Variants in PLXNB1 observed in about 807,000 individuals in gnomAD.
PLXNB1 encodes plexin B1.
A neutral mutation model predicts 209.4 loss-of-function variants in PLXNB1; 106 were observed. The observed-to-expected ratio is 0.51, with a 90% CI of 0.43 to 0.59. The LOEUF is 0.59. Among genes scored for constraint, PLXNB1 ranks in the 20% least tolerant of loss-of-function variants. PLXNB1 has a pLI of 0.00. For synonymous variants in PLXNB1, 1,167 were observed against 1,183.2 expected (o/e 0.99, Z 0.28); for missense variants, 2,357 against 2,853.2 (o/e 0.83, Z 3.96).
rs114060346 is a variant in PLXNB1, at chr3:48,406,910, C to T, written c.6153-12G>A. The T allele has an allele frequency of 7.7e-4, 1,244 of 1,612,698 alleles. 9 individuals carry two copies. The African/African-American group carries it at 0.015, about 20-fold the overall frequency. On this transcript the variant is annotated splice_polypyrimidine_tract_variant and intron_variant, in intron 35 of 37. Transcript: ENST00000296440. The surrounding 1 kb of genome is among the most constrained non-coding windows in gnomAD (Gnocchi z 4.4). ...TGTCTGCATAGTACCTGCCAGAGAG[C>T]CAGGGCACAGCAGCTGCTGGGTAAA...
rs867797903 is a variant in PLXNB1, at chr3:48,423,908, C to T, written c.704G>A (p.Arg235Gln). ...AGCTCTAGACTGAGCCTGCAGGTCC[C>T]GCCGCAGGAACAGGAAGTAGGCGCT... ...GASAYFLFLR[R>Q]DLQAQSRAFR... Residue 235 changes from arginine to glutamine, a missense_variant, in exon 3 of 38, where the codon CGG (arginine) becomes CAG (glutamine). Physicochemically the swap from Arg to Gln is conservative, Grantham distance 43. Transcript: ENST00000296440. The T allele has an allele frequency of 1.9e-6, 3 of 1,614,136 alleles. No individual in the cohort carries two copies. The highest frequency in any genetic ancestry group is 2.5e-6 in the Non-Finnish European group (3 of 1,180,020).
Position 48,412,836 on chromosome 3 carries a change from C to T in PLXNB1, c.4760G>A (p.Arg1587Gln), listed in dbSNP as rs1237004004. Residue 1587 changes from arginine to glutamine, a missense_variant, in exon 25 of 38, where the codon CGG (arginine) becomes CAG (glutamine). Transcript: ENST00000296440. ...TCTGCTCTCAGGCACACCCAGGTCC[C>T]GGTGCAAGGGCGACTCGCGGTGCCC... Reference protein sequence around the residue: ...FPGHRESPLHRDLGVPESRRP... With the variant: ...FPGHRESPLHQDLGVPESRRP... 8.1e-6 allele frequency: 13 copies of T among 1,613,752 alleles called. No homozygotes were observed. Among genetic ancestry groups the T allele is most frequent in the East Asian group, 2.2e-5 (1 of 44,872 alleles).
rs768902647 is a variant in PLXNB1 at position 48,424,322 on chromosome 3, G to T, written c.290C>A (p.Pro97Gln). 1.2e-5 allele frequency: 19 copies of T among 1,559,424 alleles called. No homozygotes were observed. Among genetic ancestry groups the T allele is most frequent in the Admixed American group, 1.9e-5 (1 of 51,754 alleles). Residue 97 changes from proline (P) to glutamine (Q), a missense_variant, in exon 3 of 38, where the codon CCG becomes CAG. By Grantham distance (76) the Pro-to-Gln change is moderately conservative. Around this residue, in one of 7 missense-constraint regions of PLXNB1, gnomAD observed 107 missense variants for 167.2 expected, o/e 0.64. Coordinates refer to ENST00000296440, the MANE Select transcript of PLXNB1 (RefSeq NM_001130082.3). ...TGGGCTCACCAGGAGCAGCTGATTC[G>T]GGTTGTTGGTAGGCTGGGCCTGGGG... ...ECPQAQPTNNPNQLLLVSPGA... is the reference protein window; with the variant it reads ...ECPQAQPTNNQNQLLLVSPGA...
Position 48,421,319 on chromosome 3 carries a change from C to T in PLXNB1, c.1719G>A (p.Gly573=), listed in dbSNP as rs776153543. ...WPGESYSCHF[G]EHQSPALLTG... ...TCAGCAGGGCAGGACTCTGATGTTC[C>T]CCAAAGTGGCAGGAATATGACTCCC... Residue 573 remains glycine, a synonymous_variant, in exon 8 of 38, where the codon GGG becomes GGA. Transcript: ENST00000296440. The T allele has an allele frequency of 3.8e-6, 6 of 1,591,502 alleles. No individual in the cohort carries two copies. The highest frequency in any genetic ancestry group is 4.3e-6 in the Non-Finnish European group (5 of 1,167,116).
rs2038062774 is a variant in PLXNB1, at chr3:48,415,932, C to T, written c.3617+99G>A. The T allele has an allele frequency of 4.9e-6, 7 of 1,419,846 alleles. No homozygotes were observed. The Admixed American group carries it at 1.4e-4, about 29-fold the overall frequency. The allele number at this position is 1,419,846 out of a possible 1,614,324, so 88.0% of individuals were successfully genotyped here. ...TCTGGCCACTCTCTGAAGGAGCAGA[C>T]TGGCCCTCTTCCCCTTTCTGCTCTC... On this transcript the variant is annotated intron_variant, in intron 18 of 37. Coordinates refer to ENST00000296440, the MANE Select transcript of PLXNB1 (RefSeq NM_001130082.3). The surrounding 1 kb of genome is among the most constrained non-coding windows in gnomAD (Gnocchi z 5.0).
Position 48,429,828 on chromosome 3 carries a change from C to G in PLXNB1, c.-60+180G>C, listed in dbSNP as rs969391671. Among the ~76,000 whole-genome samples the G allele has an allele frequency of 2.0e-4, 31 of 152,150 alleles. No homozygotes were observed. Among genetic ancestry groups the G allele is most frequent in the African/African-American group, 7.2e-4 (30 of 41,528 alleles). The stretch of plus-strand genomic sequence containing the variant: ...CCGAGGCGGGGGGTCGCGCTCCGCA[C>G]CCGCAGGTGCTGGTGGAACAGCGTC... On this transcript the variant is annotated intron_variant, in intron 1 of 37. Coordinates refer to ENST00000296440, the MANE Select transcript of PLXNB1 (RefSeq NM_001130082.3). This position sits in a 1 kb window ranked among gnomAD's most constrained non-coding sequence, Gnocchi z 6.4.
chr3:48,427,473 C>A (rs2038953948), intron 1 of PLXNB1, among the ~76,000 whole-genome samples: 1 of 152,178 alleles, frequency 6.6e-6, no homozygotes, highest in South Asian at 2.1e-4. Context: ...CTGAGCAGCT[C>A]CCAGCCCCTC....
Position 48,406,319 on chromosome 3 carries a change from A to C in PLXNB1, c.6228+504T>G. Among the ~76,000 whole-genome samples, 1 of 152,232 alleles carries C rather than the reference A, an allele frequency of 6.6e-6. No individual in the cohort carries two copies. The highest frequency in any genetic ancestry group is 1.9e-4 in the East Asian group (1 of 5,198). On this transcript the variant is annotated intron_variant, in intron 36 of 37. Coordinates refer to ENST00000296440, the MANE Select transcript of PLXNB1 (RefSeq NM_001130082.3). The surrounding 1 kb of genome is among the most constrained non-coding windows in gnomAD (Gnocchi z 4.4). ...GCTTGTGGAGTTCTTGTGAGGATCA[A>C]ATAAGACAATCAAAGCACCCCATGA...
At position 48,418,517 on chromosome 3, in the gene PLXNB1, T is replaced by A. The variant is rs776254417; in HGVS notation, c.2981A>T (p.Glu994Val). 1.9e-6 allele frequency: 3 copies of A among 1,607,480 alleles called. No homozygotes were observed. The South Asian group carries it at 3.3e-5, about 18-fold the overall frequency. ...HQLSYEALQP[E>V]LRVGLFLRRA... ...ACGCAGAAACAGCCCCACACGGAGC[T>A]CCGGCTGCAGAGCCTCATAGCTGAG... The change falls in exon 14 of 38, where the codon GAG becomes GTG. Residue 994 changes from glutamate to valine, a missense_variant. Physicochemically the swap from Glu to Val is moderately radical, Grantham distance 121. This residue lies in a region of PLXNB1 where 410 missense variants were observed against 401.0 expected (regional missense o/e 1.02). Coordinates refer to ENST00000296440, the MANE Select transcript of PLXNB1 (RefSeq NM_001130082.3). This position sits in a 1 kb window ranked among gnomAD's most constrained non-coding sequence, Gnocchi z 6.6.
In PLXNB1 at chr3:48,429,507, C is replaced by G. The variant is rs952225483; in HGVS notation, c.-60+501G>C. 2.6e-5 allele frequency: 4 copies of G among 151,618 alleles called. No individual in the cohort carries two copies. Among genetic ancestry groups the G allele is most frequent in the South Asian group, 4.1e-4 (2 of 4,832 alleles). The allele number at this position is 151,618 out of a possible 1,614,324, so 9.4% of individuals were successfully genotyped here. A position where few individuals can be genotyped will look rare whatever the true frequency, so the allele number is the denominator to read the frequency against. On this transcript the variant is annotated intron_variant, in intron 1 of 37. Coordinates refer to ENST00000296440, the MANE Select transcript of PLXNB1 (RefSeq NM_001130082.3). This position sits in a 1 kb window ranked among gnomAD's most constrained non-coding sequence, Gnocchi z 6.4. ...CCTCGCCTGCCGGGCTGCCCTCCCC[C>G]CGCCCGCCGCCCGGGCCAGGCCGGA...
Position 48,422,874 on chromosome 3 carries a change from G to C in PLXNB1, c.1181C>G (p.Ala394Gly). The stretch of plus-strand genomic sequence containing the variant: ...CCCTGGCCACTCCAGAATTGGTGTG[G>C]CTTCCAGCGGGACCCGGCTGGCCAT... ...SPMASRVPLE[A>G]TPILEWPGIQ... The change falls in exon 4 of 38, where the codon GCC becomes GGC. Residue 394 changes from alanine to glycine, a missense_variant. Physicochemically the swap from Ala to Gly is moderately conservative, Grantham distance 60. Coordinates refer to ENST00000296440, the MANE Select transcript of PLXNB1 (RefSeq NM_001130082.3). 1 of 1,614,136 alleles carries C rather than the reference G, an allele frequency of 6.2e-7. No individual in the cohort carries two copies. Among genetic ancestry groups the C allele is most frequent in the Non-Finnish European group, 8.5e-7 (1 of 1,179,986 alleles).
rs1485744516 is a variant in PLXNB1 at position 48,415,522 on chromosome 3, A to G, written c.3794+61T>C. On this transcript the variant is annotated intron_variant, in intron 19 of 37. Coordinates refer to ENST00000296440, the MANE Select transcript of PLXNB1 (RefSeq NM_001130082.3). This position sits in a 1 kb window ranked among gnomAD's most constrained non-coding sequence, Gnocchi z 5.0. ...AACATAAAGCCCTACAAACCCCCAC[A>G]TAGTGGAGCTGCAAAGACCTCCCTG... 6.7e-7 allele frequency: 1 copy of G among 1,484,714 alleles called. No individual in the cohort carries two copies. Among genetic ancestry groups the G allele is most frequent in the African/African-American group, 1.4e-5 (1 of 71,946 alleles). 92.0% of individuals were successfully genotyped at this position (1,484,714 alleles called of 1,614,324 possible). A position where few individuals can be genotyped will look rare whatever the true frequency, so the allele number is the denominator to read the frequency against.
At position 48,416,304 on chromosome 3, in the gene PLXNB1, G is replaced by T. The variant is rs773222541; in HGVS notation, c.3480+42C>A. The T allele has an allele frequency of 5.1e-6, 8 of 1,568,708 alleles. No individual in the cohort carries two copies. In the South Asian group the frequency reaches 7.9e-5, roughly 15 times the overall value. ...TGGGTTGAGAGGAGCCACCAGAGAG[G>T]TTGGCCCGCTGGCAGCTGGGGGTGG... On this transcript the variant is annotated intron_variant, in intron 17 of 37. Transcript: ENST00000296440. This position sits in a 1 kb window ranked among gnomAD's most constrained non-coding sequence, Gnocchi z 4.1.
chr3:48,410,248 G>A lies in PLXNB1; in HGVS notation c.5605+48C>T, dbSNP rs372881603. The A allele has an allele frequency of 7.9e-5, 120 of 1,526,166 alleles. 1 individual carries two copies. The highest frequency in any genetic ancestry group is 6.4e-4 in the Admixed American group (36 of 56,170). The allele number at this position is 1,526,166 out of a possible 1,614,324, so 94.5% of individuals were successfully genotyped here. ...CCCAGAGGACCTTCCCCATGACTCC[G>A]GGCTGGGCACAGCAGGGGCAGAGGA... On this transcript the variant is annotated intron_variant, in intron 31 of 37. Transcript: ENST00000296440. The surrounding 1 kb of genome is among the most constrained non-coding windows in gnomAD (Gnocchi z 6.4).
In PLXNB1 at chr3:48,404,336, C is replaced by T. The variant is rs933977434; in HGVS notation, c.*150G>A. On this transcript the variant is annotated 3_prime_UTR_variant, in exon 38 of 38. Coordinates refer to ENST00000296440, the MANE Select transcript of PLXNB1 (RefSeq NM_001130082.3). ...GTCTAGGAGGTGGATCCAGCAGGGC[C>T]GAGGCCAGAGCCACCAGGAGACTGG... The T allele has an allele frequency of 2.3e-5, 14 of 597,838 alleles. No individual in the cohort carries two copies. The highest frequency in any genetic ancestry group is 1.1e-4 in the African/African-American group (6 of 53,578). The allele number at this position is 597,838 out of a possible 1,614,324, so 37.0% of individuals were successfully genotyped here.
In PLXNB1 at chr3:48,407,040, G is replaced by C. The variant is rs1447370660; in HGVS notation, c.6139C>G (p.Arg2047Gly). 9 of 1,613,864 alleles carry C rather than the reference G, an allele frequency of 5.6e-6. No individual in the cohort carries two copies. The highest frequency in any genetic ancestry group is 6.8e-6 in the Non-Finnish European group (8 of 1,179,964). The change falls in exon 35 of 38, where the codon CGG becomes GGG. Residue 2047 changes from arginine to glycine, a missense_variant. Physicochemically the swap from Arg to Gly is moderately radical, Grantham distance 125. This residue lies in a region of PLXNB1 where 414 missense variants were observed against 520.5 expected (regional missense o/e 0.80). Transcript: ENST00000296440. ...LYARDIPRYK[R>G]MVERYYADIR... ...GCCCTCCAGTACCTTTCCACCATCC[G>C]CTTGTACCGGGGAATGTCCCGTGCA...
Position 48,409,449 on chromosome 3 carries a change from T to A in PLXNB1, c.5967A>T (p.Ile1989=), listed in dbSNP as rs775430053. The A allele has an allele frequency of 3.6e-5, 58 of 1,613,992 alleles. No homozygotes were observed. The highest frequency in any genetic ancestry group is 4.2e-6 in the Non-Finnish European group (5 of 1,180,030). The change falls in exon 34 of 38, where the codon ATA becomes ATT. Residue 1989 remains isoleucine, a synonymous_variant. Transcript: ENST00000296440. This position sits in a 1 kb window ranked among gnomAD's most constrained non-coding sequence, Gnocchi z 5.8. The stretch of plus-strand genomic sequence containing the variant: ...CGAACACAAACTGCGGGTTTTTTAT[T>A]ATATTGATCCAGAACCTCAGAGGCA... The part of the protein sequence containing the change: ...NSLPLRFWIN[I]IKNPQFVFDV...
Position 48,405,680 on chromosome 3 carries a change from A to G in PLXNB1, c.6303+44T>C. The G allele has an allele frequency of 5.4e-6, 8 of 1,483,212 alleles. No homozygotes were observed. The highest frequency in any genetic ancestry group is 6.6e-6 in the Non-Finnish European group (7 of 1,065,040). The allele number at this position is 1,483,212 out of a possible 1,614,324, so 91.9% of individuals were successfully genotyped here. Reference sequence around the variant, plus strand: ...GTCAGAGCCCCTTAAGTCTCCTGGGAGGCCTTGGGTCAGCCTCCCAGTCGG... The same window carrying G: ...GTCAGAGCCCCTTAAGTCTCCTGGGGGGCCTTGGGTCAGCCTCCCAGTCGG... On this transcript the variant is annotated intron_variant, in intron 37 of 37. Coordinates refer to ENST00000296440, the MANE Select transcript of PLXNB1 (RefSeq NM_001130082.3). This position sits in a 1 kb window ranked among gnomAD's most constrained non-coding sequence, Gnocchi z 5.0.
In PLXNB1 at chr3:48,405,987, G is replaced by C; in HGVS notation, c.6229-189C>G. 1 of 570,818 alleles carries C rather than the reference G, an allele frequency of 1.8e-6. No individual in the cohort carries two copies. Among genetic ancestry groups the C allele is most frequent in the South Asian group, 1.9e-5 (1 of 53,748 alleles). 35.4% of individuals were successfully genotyped at this position (570,818 alleles called of 1,614,324 possible). On this transcript the variant is annotated intron_variant, in intron 36 of 37. Coordinates refer to ENST00000296440, the MANE Select transcript of PLXNB1 (RefSeq NM_001130082.3). The surrounding 1 kb of genome is among the most constrained non-coding windows in gnomAD (Gnocchi z 5.0). The stretch of plus-strand genomic sequence containing the variant: ...CCCCAGGCCAGGTGTGCCAGATGGG[G>C]ACAGAACAGGGTAGAGCAAGGGGGC...
Sources: gnomAD v4.1 joint callset for allele counts (sites outside exome capture counted in the v4.1 genomes callset) on GRCh38, gnomAD v4.1.1 for gene constraint, gnomAD v4.1.1 regional missense constraint, Gnocchi (gnomAD v3.1) non-coding constraint, MANE v1.5 for transcripts, NCBI Gene and HGNC (gene_info 2026-07-23, HGNC 2026-07-21) for gene names.